The following HS6ST3 variants were observed in gnomAD, a reference collection of about 807,000 sequenced individuals.
The protein encoded by HS6ST3 is heparan-sulfate 6-O-sulfotransferase 3.
HS6ST3 carries 12 observed loss-of-function variants against 36.7 expected under a neutral mutation model. The observed-to-expected ratio is 0.33, with a 90% CI of 0.21 to 0.53. The LOEUF (loss-of-function observed/expected upper bound fraction) is 0.53, where lower values mean the gene tolerates loss of function less well. HS6ST3 is among the 20% of genes least tolerant of loss of function. The probability of loss-of-function intolerance (pLI) is 0.95; values close to 1 mark genes in which losing one functional copy is unlikely to be tolerated. For missense variants in HS6ST3, 584 were observed against 640.9 expected, an observed-to-expected ratio of 0.91 and a Z score of 0.96; for synonymous variants, 240 against 257.5, an observed-to-expected ratio of 0.93 and a Z score of 0.65.
At chr13:96,605,781 A>T (rs1414087654) in intron 1 of HS6ST3, among the ~76,000 whole-genome samples, 1 of 152,126 alleles carries the variant, frequency 6.6e-6, no homozygotes, top group Non-Finnish European at 1.5e-5. Flanking sequence ...AAAGGAAACT[A>T]TTAACAGAGT....
At chr13:96,732,182 T>G (rs1876172547) in intron 1 of HS6ST3, among the ~76,000 whole-genome samples, 1 of 152,194 alleles carries the variant, frequency 6.6e-6, no homozygotes, top group Non-Finnish European at 1.5e-5. Flanking sequence ...TTCATATACC[T>G]TTTGGCCATT....
intron 1 of HS6ST3, among the ~76,000 whole-genome samples, chr13:96,567,424 CA>C (rs2056285327): frequency 6.6e-6 from 1 of 152,040 alleles, no homozygotes; most frequent in East Asian, 1.9e-4. Context: ...TTCCCATCAG[CA>C]ACATTGGACA....
intron 1 of HS6ST3, among the ~76,000 whole-genome samples, chr13:96,718,276 T>C (rs946570377): frequency 6.6e-6 from 1 of 152,234 alleles, no homozygotes; most frequent in Admixed American, 6.5e-5. Flanking sequence ...ATATTTCTAG[T>C]GGTGACCTAT....
rs960841887 is a variant in HS6ST3 at position 96,835,466 on chromosome 13, T to G, written c.*2268T>G. 1 of 152,076 alleles carries G rather than the reference T, an allele frequency of 6.6e-6. No individual in the cohort carries two copies. Among genetic ancestry groups the G allele is most frequent in the African/African-American group, 2.4e-5 (1 of 41,392 alleles). 9.4% of individuals were successfully genotyped at this position (152,076 alleles called of 1,614,324 possible). A position where few individuals can be genotyped will look rare whatever the true frequency, so the allele number is the denominator to read the frequency against. On this transcript the variant is annotated 3_prime_UTR_variant, in exon 2 of 2. Coordinates refer to ENST00000376705, the MANE Select transcript of HS6ST3 (RefSeq NM_153456.4). ...CATTTCCAGTGATTTGTTCCTAAGG[T>G]AGAAGGGAAGGAGGATTGCAGCTGG...
intron 1 of HS6ST3, among the ~76,000 whole-genome samples, chr13:96,275,486 A>G (rs184671479): frequency 6.6e-6 from 1 of 152,170 alleles, no homozygotes; most frequent in East Asian, 1.9e-4. Flanking sequence ...TTTCATTCTC[A>G]TTTTCAGAGA....
intron 1 of HS6ST3, among the ~76,000 whole-genome samples, chr13:96,428,340 C>T (rs919967800): frequency 6.6e-6 from 1 of 152,228 alleles, no homozygotes; most frequent in African/African-American, 2.4e-5. Context: ...AGCGAGACTC[C>T]GTCTCAAAAA....
At chr13:96,266,287 G>A (rs2054692105) in intron 1 of HS6ST3, among the ~76,000 whole-genome samples, 1 of 152,118 alleles carries the variant, frequency 6.6e-6, no homozygotes, top group South Asian at 2.1e-4. Flanking sequence ...AAGAGGTATG[G>A]TCATTCCTGA....
rs550345037 is a variant in HS6ST3 at position 96,602,785 on chromosome 13, C to T, written c.708-229705C>T. On this transcript the variant is annotated intron_variant, in intron 1 of 1. Transcript: ENST00000376705. ...GGATTATGGGGCTGTGGGGGTTCTG[C>T]CTGTTGCTGTATTTTACTGTACCAG... Among the ~76,000 whole-genome samples, 429 of 152,218 alleles carry T rather than the reference C, an allele frequency of 2.8e-3. 1 individual carries two copies. The highest frequency in any genetic ancestry group is 4.0e-3 in the Non-Finnish European group (274 of 68,016).
intron 1 of HS6ST3, among the ~76,000 whole-genome samples, chr13:96,201,847 G>A (rs2054343556): frequency 6.6e-6 from 1 of 152,138 alleles, no homozygotes; most frequent in Non-Finnish European, 1.5e-5. Context: ...TGTTAGTGTT[G>A]CAAGTGTAGA....
intron 1 of HS6ST3, among the ~76,000 whole-genome samples, chr13:96,368,428 G>A (rs967945197): frequency 5.3e-5 from 8 of 151,080 alleles, no homozygotes; most frequent in African/African-American, 1.9e-4. Context: ...TGGTAGACTC[G>A]TTCGATGAAA....
chr13:96,465,567 C>T (rs1434015390), intron 1 of HS6ST3, among the ~76,000 whole-genome samples: 3 of 152,124 alleles, frequency 2.0e-5, no homozygotes, highest in Non-Finnish European at 4.4e-5. Context: ...ATGCAACCCA[C>T]AGGTGGCAAA....
chr13:96,309,689 A>G (rs1311602156), intron 1 of HS6ST3, among the ~76,000 whole-genome samples: 4 of 152,168 alleles, frequency 2.6e-5, no homozygotes, highest in Non-Finnish European at 5.9e-5. Flanking sequence ...TGTTTTGGCA[A>G]AAAGTCCAGA....
chr13:96,603,127 A>G (rs1387145885), intron 1 of HS6ST3, among the ~76,000 whole-genome samples: 6 of 152,138 alleles, frequency 3.9e-5, no homozygotes, highest in Non-Finnish European at 5.9e-5. Flanking sequence ...GCCCTTCTCC[A>G]CAATGCATTT....
At chr13:96,420,129 T>G (rs2055555748) in intron 1 of HS6ST3, among the ~76,000 whole-genome samples, 1 of 152,144 alleles carries the variant, frequency 6.6e-6, no homozygotes, top group Non-Finnish European at 1.5e-5. Context: ...AGTTTTCCAG[T>G]CAACAGCAGC....
intron 1 of HS6ST3, among the ~76,000 whole-genome samples, chr13:96,155,265 T>C (rs1404823225): frequency 6.6e-6 from 1 of 152,190 alleles, no homozygotes; most frequent in African/African-American, 2.4e-5. Flanking sequence ...AGAGGTGGTA[T>C]CATGATTCTA....
chr13:96,622,658 A>G (rs900511844), intron 1 of HS6ST3, among the ~76,000 whole-genome samples: 3 of 152,158 alleles, frequency 2.0e-5, no homozygotes, highest in Non-Finnish European at 4.4e-5. Flanking sequence ...TTTCTGTACT[A>G]TCTACTTTTC....
At chr13:96,351,335 T>TTTTTTTTTTTTTTTTTTTTTTTAAAA (rs1203595829) in intron 1 of HS6ST3, among the ~76,000 whole-genome samples, 2 of 146,364 alleles carry the variant, frequency 1.4e-5, no homozygotes, top group Admixed American at 6.7e-5. Flanking sequence ...TTTTTTTTTT[T>TTTTTTTTTTTTTTTTTTTTTTTAAAA]AAAAAAAACA....
At chr13:96,515,112 C>T (rs187887727) in intron 1 of HS6ST3, among the ~76,000 whole-genome samples, 16 of 152,286 alleles carry the variant, frequency 1.1e-4, no homozygotes, top group East Asian at 3.9e-4. Context: ...TTGGCAGCTG[C>T]GCACACCTTC....
intron 1 of HS6ST3, among the ~76,000 whole-genome samples, chr13:96,364,206 A>C (rs576537875): frequency 3.2e-4 from 48 of 152,338 alleles, no homozygotes; most frequent in Non-Finnish European, 5.3e-4. Context: ...TGCAACCACC[A>C]TGGAAAACAG....
Sources: allele counts gnomAD v4.1 joint callset (sites outside exome capture counted in the v4.1 genomes callset), GRCh38; gene constraint gnomAD v4.1.1; transcripts MANE v1.5; gene names NCBI Gene and HGNC (gene_info 2026-07-23, HGNC 2026-07-21).